Variants in STXBP4 observed in about 807,000 individuals in gnomAD.
STXBP4 encodes the protein syntaxin-binding protein 4.
STXBP4 carries 55 observed loss-of-function variants against 76.1 expected under a neutral mutation model. The ratio of observed to expected loss-of-function variants is 0.72; its 90% CI spans 0.58 to 0.91. The LOEUF (loss-of-function observed/expected upper bound fraction) is 0.91. Among genes scored for constraint, STXBP4 ranks in the 40% least tolerant of loss-of-function variants. The pLI is 0.00. For missense variants in STXBP4, 618 were observed against 636.9 expected (o/e 0.97, Z 0.32); for synonymous variants, 201 against 220.2 (o/e 0.91, Z 0.77).
chr17:55,192,991 A>G, the STXBP4 span, among the ~76,000 whole-genome samples: 1 of 152,158 alleles, frequency 6.6e-6, no homozygotes, highest in Admixed American at 6.5e-5. Context: ...CATGCACTTA[A>G]CCACTGCACA....
chr17:55,095,804 T>TA (rs2079477373), intron 16 of STXBP4, among the ~76,000 whole-genome samples: 1 of 152,164 alleles, frequency 6.6e-6, no homozygotes, highest in African/African-American at 2.4e-5. Context: ...ATGATTTACT[T>TA]AAGTCACAAG....
At chr17:54,979,454 G>T (rs1242678383) in intron 1 of STXBP4, among the ~76,000 whole-genome samples, 1 of 152,012 alleles carries the variant, frequency 6.6e-6, no homozygotes, top group Non-Finnish European at 1.5e-5. Context: ...TCTCCTTTAT[G>T]CCCCTGGAAA....
At chr17:55,028,918 G>C (rs2078459430) in intron 8 of STXBP4, among the ~76,000 whole-genome samples, 1 of 152,076 alleles carries the variant, frequency 6.6e-6, no homozygotes, top group African/African-American at 2.4e-5. Context: ...AGCCAGTTTG[G>C]AGAACAATTC....
chr17:54,999,756 AGTCTTTTTTC>A lies in STXBP4; in HGVS notation c.413_422del (p.Ser138IlefsTer7). On this transcript the variant is annotated frameshift_variant, in exon 6 of 18. Coordinates refer to ENST00000376352, the MANE Select transcript of STXBP4 (RefSeq NM_178509.6). LOFTEE classifies it high-confidence loss of function. ...ATATGGACCTCAAGCCTCAACATTAAGTCTTTTTTCTTCTCCTCCTGAAATACTAATCCCA... is the reference window on the plus strand; with the variant it reads ...ATATGGACCTCAAGCCTCAACATTAATTCTCCTCCTGAAATACTAATCCCA... 1 of 1,613,656 alleles carries A rather than the reference AGTCTTTTTTC, an allele frequency of 6.2e-7. No homozygotes were observed. The highest frequency in any genetic ancestry group is 8.5e-7 in the Non-Finnish European group (1 of 1,179,736).
chr17:54,985,125 A>G (rs1239289376), intron 1 of STXBP4, among the ~76,000 whole-genome samples: 1 of 152,198 alleles, frequency 6.6e-6, no homozygotes, highest in African/African-American at 2.4e-5. Context: ...TTGATTTACA[A>G]CAAACAGCAG....
chr17:55,150,863 T>C (rs1054221654), intron 17 of STXBP4, among the ~76,000 whole-genome samples: 5 of 152,126 alleles, frequency 3.3e-5, no homozygotes, highest in African/African-American at 1.2e-4. Flanking sequence ...AAGTTGCAGG[T>C]AGAATTAAGG....
intron 1 of STXBP4, among the ~76,000 whole-genome samples, chr17:54,974,587 G>A (rs943276448): frequency 3.9e-5 from 6 of 152,204 alleles, no homozygotes; most frequent in African/African-American, 1.2e-4. Context: ...TATGACCTGT[G>A]CAGTCACACA....
the STXBP4 span, among the ~76,000 whole-genome samples, chr17:55,187,538 A>G: frequency 1.6e-3 from 247 of 152,314 alleles, 1 homozygote; most frequent in African/African-American, 5.5e-3. Context: ...GGCTGGTCTC[A>G]GAGATGGATG....
intron 10 of STXBP4, among the ~76,000 whole-genome samples, chr17:55,041,645 A>G (rs2078700665): frequency 6.6e-6 from 1 of 152,176 alleles, no homozygotes; most frequent in Non-Finnish European, 1.5e-5. Context: ...TCCATGAGCT[A>G]GTTCAAAAAT....
At chr17:54,990,166 A>G (rs902367198) in intron 3 of STXBP4, among the ~76,000 whole-genome samples, 1 of 152,222 alleles carries the variant, frequency 6.6e-6, no homozygotes, top group Non-Finnish European at 1.5e-5. Flanking sequence ...AATTGTTGTT[A>G]TGTCACCATA....
chr17:55,016,730 C>T (rs1303691982), intron 8 of STXBP4, among the ~76,000 whole-genome samples: 3 of 152,294 alleles, frequency 2.0e-5, no homozygotes, highest in South Asian at 2.1e-4. Flanking sequence ...ATTTAAATCC[C>T]CTGTAAGGAA....
intron 16 of STXBP4, among the ~76,000 whole-genome samples, chr17:55,126,413 A>G (rs903833877): frequency 2.0e-5 from 3 of 152,220 alleles, no homozygotes; most frequent in Admixed American, 6.5e-5. Context: ...CTAAATGGAA[A>G]TGCTAAAAGT....
intron 11 of STXBP4, among the ~76,000 whole-genome samples, chr17:55,045,807 TAAAG>T (rs1396351632): frequency 3.3e-5 from 5 of 152,224 alleles, no homozygotes; most frequent in East Asian, 3.9e-4. Context: ...GCTGGCCAGT[TAAAG>T]AAGCCATATA....
rs1020736438 is a variant in STXBP4 at position 55,163,671 on chromosome 17, A to G, written c.*3760A>G. On this transcript the variant is annotated 3_prime_UTR_variant, in exon 18 of 18. Coordinates refer to ENST00000376352, the MANE Select transcript of STXBP4 (RefSeq NM_178509.6). ...TACTGATTCTCAAAACAAGGAGCTC[A>G]TAGTCTAAAACCATTTTTCTTTCTT... The G allele has an allele frequency of 6.6e-6, 1 of 152,284 alleles. No homozygotes were observed. The highest frequency in any genetic ancestry group is 1.9e-4 in the East Asian group (1 of 5,204). The allele number at this position is 152,284 out of a possible 1,614,324, so 9.4% of individuals were successfully genotyped here.
intron 16 of STXBP4, among the ~76,000 whole-genome samples, chr17:55,129,218 G>A (rs538299709): frequency 7.9e-5 from 12 of 152,160 alleles, no homozygotes; most frequent in African/African-American, 1.2e-4. Flanking sequence ...GTGAGCCACC[G>A]CTCCTGGCTG....
chr17:55,135,583 C>G (rs2080020127), intron 16 of STXBP4, among the ~76,000 whole-genome samples: 1 of 151,946 alleles, frequency 6.6e-6, no homozygotes, highest in Non-Finnish European at 1.5e-5. Flanking sequence ...TTATAGGTGG[C>G]AACCATCTCT....
At chr17:55,187,157 G>T in the STXBP4 span, among the ~76,000 whole-genome samples, 3 of 152,118 alleles carry the variant, frequency 2.0e-5, no homozygotes, top group Non-Finnish European at 4.4e-5. Flanking sequence ...ACACTGACTG[G>T]TATGCTTTCC....
intron 16 of STXBP4, among the ~76,000 whole-genome samples, chr17:55,086,406 A>G (rs1048691086): frequency 1.3e-5 from 2 of 152,234 alleles, no homozygotes; most frequent in East Asian, 1.9e-4. Context: ...GGAACATTCA[A>G]TATCCTCCTT....
At chr17:55,093,645 A>T (rs541849267) in intron 16 of STXBP4, among the ~76,000 whole-genome samples, 1 of 152,228 alleles carries the variant, frequency 6.6e-6, no homozygotes, top group South Asian at 2.1e-4. Context: ...AAATATATCA[A>T]ATTTAATCTT....
Sources: gnomAD v4.1 joint callset for allele counts (sites outside exome capture counted in the v4.1 genomes callset) on GRCh38, gnomAD v4.1.1 for gene constraint, MANE v1.5 for transcripts, NCBI Gene and HGNC (gene_info 2026-07-23, HGNC 2026-07-21) for gene names.